Variants in VAT1L observed in about 807,000 individuals in gnomAD.
VAT1L encodes vesicle amine transport 1 like, also known as putative NADPH-dependent quinone oxidoreductase VAT1L.
VAT1L carries 34 observed loss-of-function variants against 44.1 expected under a neutral mutation model. That is an observed-to-expected ratio of 0.77 (90% confidence interval 0.59 to 1.03). VAT1L has a LOEUF of 1.03. VAT1L is among the 50% of genes least tolerant of loss of function. VAT1L has a pLI of 0.00. For missense variants in VAT1L, 615 were observed against 538.8 expected, an observed-to-expected ratio of 1.14 and a Z score of -1.40; for synonymous variants, 253 against 202.2, an observed-to-expected ratio of 1.25 and a Z score of -2.13.
At position 77,971,894 on chromosome 16, in the gene VAT1L, C is replaced by T. The variant is rs1204710218; in HGVS notation, c.1122C>T (p.Gly374=). The T allele has an allele frequency of 6.2e-7, 1 of 1,613,754 alleles. No homozygotes were observed. The highest frequency in any genetic ancestry group is 1.7e-5 in the Admixed American group (1 of 59,976). The part of the protein sequence containing the change: ...MQRIHDRGNI[G]KLILDVEKTP... ...GGATTCACGACCGAGGGAACATTGG[C>T]AAGTTAATTCTGGATGTAGAAAAGA... The change falls in exon 8 of 9, where the codon GGC becomes GGT. Residue 374 remains glycine, a synonymous_variant. Coordinates refer to ENST00000302536, the MANE Select transcript of VAT1L (RefSeq NM_020927.3).
chr16:77,825,923 T>G lies in VAT1L; in HGVS notation c.579+462T>G, dbSNP rs1597053644. Among the ~76,000 whole-genome samples, 10 of 144,492 alleles carry G rather than the reference T, an allele frequency of 6.9e-5. No individual in the cohort carries two copies. The South Asian group carries it at 2.2e-3, about 32-fold the overall frequency. 94.8% of individuals were successfully genotyped at this position (144,492 alleles called of 152,430 possible). Reference sequence around the variant, plus strand: ...CTGTAGTCCCAGCTACTCGGGAGGCTGAGGCAGAAGAATGGCGTGAACCCG... The same window carrying G: ...CTGTAGTCCCAGCTACTCGGGAGGCGGAGGCAGAAGAATGGCGTGAACCCG... On this transcript the variant is annotated intron_variant, in intron 3 of 8. Coordinates refer to ENST00000302536, the MANE Select transcript of VAT1L (RefSeq NM_020927.3).
rs2016738037 is a variant in VAT1L, at chr16:77,844,435, G to A, written c.580-18313G>A. ...TTTTTTTTATTTTTTCTGAGATGGA[G>A]TCTTGCTCTGTCACCCAGACTGGAG... On this transcript the variant is annotated intron_variant, in intron 3 of 8. Coordinates refer to ENST00000302536, the MANE Select transcript of VAT1L (RefSeq NM_020927.3). Among the ~76,000 whole-genome samples, 3 of 152,042 alleles carry A rather than the reference G, an allele frequency of 2.0e-5. No individual in the cohort carries two copies. The South Asian group carries it at 6.2e-4, about 32-fold the overall frequency.
chr16:77,897,200 T>C (rs905876372), intron 7 of VAT1L, among the ~76,000 whole-genome samples: 2 of 152,222 alleles, frequency 1.3e-5, no homozygotes, highest in Admixed American at 6.5e-5. Flanking sequence ...GGTCACATCC[T>C]GGCAGATAAA....
At chr16:77,831,660 A>C (rs1387451904) in intron 3 of VAT1L, among the ~76,000 whole-genome samples, 3 of 152,330 alleles carry the variant, frequency 2.0e-5, no homozygotes, top group East Asian at 3.9e-4. Context: ...ATCACAGATG[A>C]GAAGAGACAA....
chr16:77,868,483 C>T (rs1347780189), intron 4 of VAT1L, among the ~76,000 whole-genome samples: 2 of 152,178 alleles, frequency 1.3e-5, no homozygotes, highest in African/African-American at 4.8e-5. Flanking sequence ...CACATGGGAG[C>T]TCTCTTTTGG....
chr16:77,883,893 T>A (rs187672759), intron 6 of VAT1L, among the ~76,000 whole-genome samples: 1 of 152,272 alleles, frequency 6.6e-6, no homozygotes, highest in Admixed American at 6.5e-5. Context: ...CACCACATTG[T>A]GTAAACTTTT....
At chr16:77,975,217 T>TTTTTTTTC (rs2018324578) in intron 8 of VAT1L, among the ~76,000 whole-genome samples, 1 of 135,608 alleles carries the variant, frequency 7.4e-6, no homozygotes, top group Non-Finnish European at 1.6e-5. Flanking sequence ...TTTTTTTTTT[T>TTTTTTTTC]TTTTTTTTTT....
At chr16:77,799,593 CA>C (rs2016009733) in intron 1 of VAT1L, among the ~76,000 whole-genome samples, 1 of 148,762 alleles carries the variant, frequency 6.7e-6, no homozygotes, top group African/African-American at 2.5e-5. Flanking sequence ...GTAAATACTC[CA>C]AAAGGAATGG....
At chr16:77,817,788 C>A (rs1215104986) in intron 2 of VAT1L, among the ~76,000 whole-genome samples, 1 of 152,132 alleles carries the variant, frequency 6.6e-6, no homozygotes, top group Non-Finnish European at 1.5e-5. Flanking sequence ...AACTGAAAAC[C>A]TGTGCACAAG....
chr16:77,957,969 G>A (rs1449007085), intron 7 of VAT1L, among the ~76,000 whole-genome samples: 1 of 152,028 alleles, frequency 6.6e-6, no homozygotes, highest in Admixed American at 6.6e-5. Flanking sequence ...GTACAATGGT[G>A]TGCTCTCAGC....
chr16:77,894,727 C>T, intron 7 of VAT1L, among the ~76,000 whole-genome samples: 1 of 152,012 alleles, frequency 6.6e-6, no homozygotes. Flanking sequence ...ATATATAAAG[C>T]CGATATAGAG....
At chr16:77,939,967 A>T (rs1388632080) in intron 7 of VAT1L, among the ~76,000 whole-genome samples, 1 of 152,204 alleles carries the variant, frequency 6.6e-6, no homozygotes, top group Non-Finnish European at 1.5e-5. Context: ...CTTCTTTAAG[A>T]TGCAGTAATA....
chr16:77,851,743 G>A (rs2016810702), intron 3 of VAT1L, among the ~76,000 whole-genome samples: 1 of 152,132 alleles, frequency 6.6e-6, no homozygotes, highest in Admixed American at 6.5e-5. Context: ...ATGCTAACCT[G>A]TTTGCATGTG....
chr16:77,951,850 AAAAC>A (rs1272565461), intron 7 of VAT1L, among the ~76,000 whole-genome samples: 1 of 150,692 alleles, frequency 6.6e-6, no homozygotes, highest in Non-Finnish European at 1.5e-5. Context: ...TAAAAAAAAA[AAAAC>A]ACGAAAAAAC....
intron 7 of VAT1L, among the ~76,000 whole-genome samples, chr16:77,918,658 T>C (rs2017575779): frequency 6.6e-6 from 1 of 152,144 alleles, no homozygotes; most frequent in South Asian, 2.1e-4. Flanking sequence ...TCCAATTGGT[T>C]CTCAATATCC....
At chr16:77,802,810 C>G (rs985521289) in intron 1 of VAT1L, among the ~76,000 whole-genome samples, 1 of 152,158 alleles carries the variant, frequency 6.6e-6, no homozygotes, top group Non-Finnish European at 1.5e-5. Flanking sequence ...CTTGCTCTTG[C>G]CATTTCTTGG....
At chr16:77,847,220 GAA>G (rs112407377) in intron 3 of VAT1L, among the ~76,000 whole-genome samples, 1 of 138,974 alleles carries the variant, frequency 7.2e-6, no homozygotes. Context: ...GAGAAAGCAG[GAA>G]AAAAAAAAAA....
At chr16:77,955,001 C>T (rs561305268) in intron 7 of VAT1L, among the ~76,000 whole-genome samples, 1 of 152,124 alleles carries the variant, frequency 6.6e-6, no homozygotes, top group African/African-American at 2.4e-5. Context: ...CTAATGTAAC[C>T]ACTTGAGTGT....
At chr16:77,875,188 G>T (rs981656536) in intron 4 of VAT1L, among the ~76,000 whole-genome samples, 4 of 152,148 alleles carry the variant, frequency 2.6e-5, no homozygotes, top group Admixed American at 1.3e-4. Context: ...GTAGTGGGCT[G>T]GATTTTGGAC....
Sources: allele counts gnomAD v4.1 joint callset (sites outside exome capture counted in the v4.1 genomes callset), GRCh38; gene constraint gnomAD v4.1.1; transcripts MANE v1.5; gene names NCBI Gene and HGNC (gene_info 2026-07-23, HGNC 2026-07-21).